The following XKR6 variants were observed in gnomAD, a reference collection of about 807,000 sequenced individuals.
XKR6 encodes the protein XK related 6.
In XKR6, 22 loss-of-function variants were observed where a neutral mutation model predicts 56.7. The ratio of observed to expected loss-of-function variants is 0.39; its 90% CI spans 0.28 to 0.55. The LOEUF (loss-of-function observed/expected upper bound fraction) is 0.55. Ranked by LOEUF, XKR6 falls within the 20% of genes least tolerant of loss-of-function variation. The probability of loss-of-function intolerance (pLI) is 0.66; values close to 1 mark genes in which losing one functional copy is unlikely to be tolerated. For missense variants in XKR6, 852 were observed against 889.0 expected, an observed-to-expected ratio of 0.96 and a Z score of 0.53; for synonymous variants, 524 against 387.8, an observed-to-expected ratio of 1.35 and a Z score of -4.13.
intron 1 of XKR6, among the ~76,000 whole-genome samples, chr8:11,054,875 G>A (rs1799641878): frequency 6.6e-6 from 1 of 152,198 alleles, no homozygotes; most frequent in South Asian, 2.1e-4. Context: ...GTCACACTAA[G>A]GTGAGCCACC....
intron 1 of XKR6, among the ~76,000 whole-genome samples, chr8:11,112,135 G>A (rs1208275121): frequency 6.6e-6 from 1 of 152,050 alleles, no homozygotes; most frequent in African/African-American, 2.4e-5. Flanking sequence ...TATTTACTGG[G>A]TCAAAATATC....
chr8:11,156,165 C>A (rs1031179153), intron 1 of XKR6, among the ~76,000 whole-genome samples: 4 of 152,232 alleles, frequency 2.6e-5, no homozygotes, highest in African/African-American at 9.6e-5. Flanking sequence ...TCCCTCTTCA[C>A]CTTTTACTGT....
chr8:10,932,520 A>C (rs1801084194), intron 1 of XKR6, among the ~76,000 whole-genome samples: 1 of 140,492 alleles, frequency 7.1e-6, no homozygotes, highest in Admixed American at 7.0e-5. Context: ...GGTGCGCTGC[A>C]CCCACTAACT....
chr8:10,898,778 G>C lies in XKR6; in HGVS notation c.1100C>G (p.Thr367Ser). 1.2e-6 allele frequency: 2 copies of C among 1,614,166 alleles called. No individual in the cohort carries two copies. The highest frequency in any genetic ancestry group is 1.7e-6 in the Non-Finnish European group (2 of 1,180,030). Residue 367 changes from threonine to serine, a missense_variant, in exon 3 of 3, where the codon ACC becomes AGC. This residue lies in a region of XKR6 where 199 missense variants were observed against 280.4 expected (regional missense o/e 0.71). Coordinates refer to ENST00000416569, the MANE Select transcript of XKR6 (RefSeq NM_173683.4). This position sits in a 1 kb window ranked among gnomAD's most constrained non-coding sequence, Gnocchi z 6.6. Reference sequence around the variant, plus strand: ...AAAAGAGATCACTCGGGATGAGATGGTGAAGAGGCGCCAGAAGACCTGGAT... The same window carrying C: ...AAAAGAGATCACTCGGGATGAGATGCTGAAGAGGCGCCAGAAGACCTGGAT... ...AIIQVFWRLF[T>S]ISSRVISFAL...
At chr8:10,988,141 CT>C in intron 1 of XKR6, among the ~76,000 whole-genome samples, 1 of 152,252 alleles carries the variant, frequency 6.6e-6, no homozygotes, top group Non-Finnish European at 1.5e-5. Context: ...TCCCCATCCC[CT>C]GCTTTGTTTT....
intron 1 of XKR6, among the ~76,000 whole-genome samples, chr8:11,100,299 C>G (rs1409455535): frequency 6.6e-6 from 1 of 152,152 alleles, no homozygotes; most frequent in Non-Finnish European, 1.5e-5. Flanking sequence ...AAGCAATCTA[C>G]CCACTTCGAC....
chr8:11,156,973 T>C (rs1287693331), intron 1 of XKR6, among the ~76,000 whole-genome samples: 3 of 152,146 alleles, frequency 2.0e-5, no homozygotes, highest in Non-Finnish European at 4.4e-5. Flanking sequence ...TTTAACCAAG[T>C]GACGGAGATG....
At position 11,165,090 on chromosome 8, in the gene XKR6, CTTTTTTTTTTT is replaced by C. The variant is rs35783491; in HGVS notation, c.764+35475_764+35485del. Among the ~76,000 whole-genome samples, 231 of 82,510 alleles carry C rather than the reference CTTTTTTTTTTT, an allele frequency of 2.8e-3. 4 individuals are homozygous for C. In the South Asian group the frequency reaches 0.03, roughly 11 times the overall value. 54.1% of individuals were successfully genotyped at this position (82,510 alleles called of 152,430 possible). A position where few individuals can be genotyped will look rare whatever the true frequency, so the allele number is the denominator to read the frequency against. Reference sequence around the variant, plus strand: ...ACACAACCATTCCCTAGGCTATCACCTTTTTTTTTTTTTTTTTTTTTTTTTTTGAGACAGAG... The same window carrying C: ...ACACAACCATTCCCTAGGCTATCACCTTTTTTTTTTTTTTTTGAGACAGAG... On this transcript the variant is annotated intron_variant, in intron 1 of 2. Coordinates refer to ENST00000416569, the MANE Select transcript of XKR6 (RefSeq NM_173683.4).
At chr8:11,145,396 C>G (rs892032106) in intron 1 of XKR6, among the ~76,000 whole-genome samples, 1 of 152,072 alleles carries the variant, frequency 6.6e-6, no homozygotes, top group African/African-American at 2.4e-5. Context: ...AGAACCAGAA[C>G]AAAAGATGAA....
At chr8:11,001,927 T>A (rs1798248695) in intron 1 of XKR6, among the ~76,000 whole-genome samples, 1 of 152,270 alleles carries the variant, frequency 6.6e-6, no homozygotes, top group Admixed American at 6.5e-5. Flanking sequence ...AGCCCCACCA[T>A]ACCCGTTGCT....
At chr8:11,085,398 C>G (rs2129170991) in intron 1 of XKR6, among the ~76,000 whole-genome samples, 1 of 152,246 alleles carries the variant, frequency 6.6e-6, no homozygotes, top group South Asian at 2.1e-4. Context: ...GGGACCTAGC[C>G]CACGGAGAGT....
chr8:11,062,922 A>G (rs1799874310), intron 1 of XKR6: 2 of 449,440 alleles, frequency 4.4e-6, no homozygotes, highest in Non-Finnish European at 4.5e-6. Context: ...GTAATTCTCT[A>G]TTCTCTTTCT....
chr8:10,924,530 G>T, intron 2 of XKR6, 104 bp downstream of exon 2: 1 of 1,396,734 alleles, frequency 7.2e-7, no homozygotes, highest in South Asian at 1.3e-5. Flanking sequence ...GGCAGGATGG[G>T]CAATGCCCAC....
At chr8:11,065,019 C>A (rs1444681529) in intron 1 of XKR6, among the ~76,000 whole-genome samples, 1 of 152,154 alleles carries the variant, frequency 6.6e-6, no homozygotes, top group Non-Finnish European at 1.5e-5. Flanking sequence ...TACATCCTGC[C>A]TATTTGCTAA....
rs138768881 is a variant in XKR6, at chr8:11,064,697, G to A, written c.764+135879C>T. On this transcript the variant is annotated intron_variant, in intron 1 of 2. Transcript: ENST00000416569. ...AGGCATTTATAATTCTTCCACTTCCGAAAAGAATTGTAATCGTTCACAACA... is the reference window on the plus strand; with the variant it reads ...AGGCATTTATAATTCTTCCACTTCCAAAAAGAATTGTAATCGTTCACAACA... Among the ~76,000 whole-genome samples, 543 of 152,018 alleles carry A rather than the reference G, an allele frequency of 3.6e-3. 3 individuals carry two copies. The highest frequency in any genetic ancestry group is 0.012 in the African/African-American group (510 of 41,444).
At chr8:10,900,551 G>C (rs1800006716) in intron 2 of XKR6, among the ~76,000 whole-genome samples, 1 of 152,188 alleles carries the variant, frequency 6.6e-6, no homozygotes, top group African/African-American at 2.4e-5. Flanking sequence ...TAACAACCAT[G>C]GAGATTTGAA....
At chr8:10,994,534 G>A (rs1586405877) in intron 1 of XKR6, among the ~76,000 whole-genome samples, 1 of 152,212 alleles carries the variant, frequency 6.6e-6, no homozygotes, top group Non-Finnish European at 1.5e-5. Flanking sequence ...TCCCCACATG[G>A]TCACATCTGC....
At chr8:11,027,023 T>A (rs1220127113) in intron 1 of XKR6, among the ~76,000 whole-genome samples, 1 of 152,062 alleles carries the variant, frequency 6.6e-6, no homozygotes, top group African/African-American at 2.4e-5. Flanking sequence ...TAGATGCTGT[T>A]GCCTACTACA....
At chr8:11,134,508 A>G (rs1800280881) in intron 1 of XKR6, among the ~76,000 whole-genome samples, 1 of 152,200 alleles carries the variant, frequency 6.6e-6, no homozygotes, top group Non-Finnish European at 1.5e-5. Context: ...CCTAGGCACA[A>G]TGGCAGGCAT....
Sources: allele counts gnomAD v4.1 joint callset (sites outside exome capture counted in the v4.1 genomes callset), GRCh38; gene constraint gnomAD v4.1.1; regional missense constraint gnomAD v4.1.1; non-coding constraint Gnocchi (gnomAD v3.1); transcripts MANE v1.5; gene names NCBI Gene and HGNC (gene_info 2026-07-23, HGNC 2026-07-21).